The following COL22A1 variants were observed in gnomAD, a reference collection of about 807,000 sequenced individuals.
COL22A1 encodes collagen alpha-1(XXII) chain.
In COL22A1, 221 loss-of-function variants were observed where a neutral mutation model predicts 248.9. That is an observed-to-expected ratio of 0.89 (90% CI 0.80 to 0.99). COL22A1 has a LOEUF of 0.99. Among genes scored for constraint, COL22A1 ranks in the 50% least tolerant of loss-of-function variants. The pLI, the probability that COL22A1 is intolerant of heterozygous loss-of-function variation, is 0.00. For synonymous variants in COL22A1, 891 were observed against 793.4 expected (o/e 1.12, Z -2.07); for missense variants, 2,240 against 2,179.0 (o/e 1.03, Z -0.56).
At chr8:138,720,129 G>T (rs1829757645) in intron 27 of COL22A1, among the ~76,000 whole-genome samples, 1 of 152,072 alleles carries the variant, frequency 6.6e-6, no homozygotes, top group Non-Finnish European at 1.5e-5. Context: ...ACTCACAGGG[G>T]CTGCCCTGTC....
At chr8:138,694,343 GT>G (rs1016910945) in intron 34 of COL22A1, among the ~76,000 whole-genome samples, 164 bp downstream of exon 34, 10 of 152,184 alleles carry the variant, frequency 6.6e-5, no homozygotes, top group African/African-American at 2.2e-4. Context: ...TGTCTGGGGC[GT>G]TTAGTGAGGG....
At position 138,595,025 on chromosome 8, in the gene COL22A1, C is replaced by T. The variant is rs183128808; in HGVS notation, c.4433-826G>A. Reference sequence around the variant, plus strand: ...ATGCACATCTGGTGGCCACCAAGGGCAGTCTTTGTTAGCCATGCAGTCATA... The same window carrying T: ...ATGCACATCTGGTGGCCACCAAGGGTAGTCTTTGTTAGCCATGCAGTCATA... On this transcript the variant is annotated intron_variant, in intron 62 of 64. Transcript: ENST00000303045. Among the ~76,000 whole-genome samples, 9 of 152,252 alleles carry T rather than the reference C, an allele frequency of 5.9e-5. No homozygotes were observed. The East Asian group carries it at 1.5e-3, about 26-fold the overall frequency.
At chr8:138,825,515 C>G (rs1054289557) in intron 6 of COL22A1, among the ~76,000 whole-genome samples, 1 of 152,174 alleles carries the variant, frequency 6.6e-6, no homozygotes, top group Non-Finnish European at 1.5e-5. Context: ...AGAAAATATT[C>G]ACAGAGTTAT....
At chr8:138,769,261 A>G (rs993534693) in intron 16 of COL22A1, among the ~76,000 whole-genome samples, 2 of 152,214 alleles carry the variant, frequency 1.3e-5, no homozygotes, top group Non-Finnish European at 2.9e-5. Context: ...CGTGAACTCA[A>G]CAGTTCAACA....
chr8:138,621,740 C>T (rs981423702), intron 52 of COL22A1, among the ~76,000 whole-genome samples: 2 of 152,176 alleles, frequency 1.3e-5, no homozygotes, highest in African/African-American at 4.8e-5. Flanking sequence ...CCATAAGGTT[C>T]TTCTGGGGAC....
intron 50 of COL22A1, among the ~76,000 whole-genome samples, chr8:138,630,308 C>T (rs1237780443): frequency 6.6e-6 from 1 of 152,154 alleles, no homozygotes; most frequent in Non-Finnish European, 1.5e-5. Flanking sequence ...CTGACATTCC[C>T]CTGGTGCACA....
At chr8:138,608,268 A>G (rs192989375) in intron 56 of COL22A1, among the ~76,000 whole-genome samples, 189 of 152,340 alleles carry the variant, frequency 1.2e-3, no homozygotes, top group African/African-American at 4.0e-3. Context: ...GGCATAGTAA[A>G]TAATTATGAC....
In COL22A1 at chr8:138,748,726, G is replaced by A. The variant is rs372965820; in HGVS notation, c.2085+2732C>T. ...CCAATTTCCAAGGCCTGTGGGTTGT[G>A]TTAAGCTCAGATCAGGCCAAGCACC... On this transcript the variant is annotated intron_variant, in intron 22 of 64. Coordinates refer to ENST00000303045, the MANE Select transcript of COL22A1 (RefSeq NM_152888.3). 2.6e-5 allele frequency among the ~76,000 whole-genome samples: 4 copies of A among 152,228 alleles called. No homozygotes were observed. The East Asian group carries it at 7.7e-4, about 29-fold the overall frequency.
intron 1 of COL22A1, among the ~76,000 whole-genome samples, chr8:138,887,230 T>C (rs2132091754): frequency 7.7e-6 from 1 of 130,414 alleles, no homozygotes; most frequent in South Asian, 2.4e-4. Context: ...TCTCTCATTG[T>C]TTTTTTTTTT....
At chr8:138,745,483 T>C (rs1832031866) in intron 22 of COL22A1, among the ~76,000 whole-genome samples, 1 of 152,220 alleles carries the variant, frequency 6.6e-6, no homozygotes, top group African/African-American at 2.4e-5. Context: ...CATATTCCTA[T>C]TGTATTTATA....
In COL22A1 at chr8:138,716,381, G is replaced by A. The variant is rs1829433374; in HGVS notation, c.2401-92C>T. 3 of 835,018 alleles carry A rather than the reference G, an allele frequency of 3.6e-6. No individual in the cohort carries two copies. The East Asian group carries it at 8.0e-5, about 22-fold the overall frequency. 51.7% of individuals were successfully genotyped at this position (835,018 alleles called of 1,614,324 possible). A position where few individuals can be genotyped will look rare whatever the true frequency, so the allele number is the denominator to read the frequency against. On this transcript the variant is annotated intron_variant, in intron 28 of 64. Transcript: ENST00000303045. ...TGTGCTCTCAGTTCCTGCTCTCCAG[G>A]AACTGGAGATGTTCTGGCTTAGTGG...
At chr8:138,633,240 G>A (rs1164731396) in intron 49 of COL22A1, among the ~76,000 whole-genome samples, 1 of 152,210 alleles carries the variant, frequency 6.6e-6, no homozygotes, top group Non-Finnish European at 1.5e-5. Flanking sequence ...GCTATTAACA[G>A]TACAAAGCAC....
chr8:138,829,143 G>T (rs1819825941), intron 5 of COL22A1, among the ~76,000 whole-genome samples: 1 of 152,178 alleles, frequency 6.6e-6, no homozygotes, highest in African/African-American at 2.4e-5. Context: ...TCCAGGCTGG[G>T]AGATGACAGC....
At position 138,690,901 on chromosome 8, in the gene COL22A1, G is replaced by A. The variant is rs779012638; in HGVS notation, c.2755-27C>T. On this transcript the variant is annotated intron_variant, in intron 35 of 64. Transcript: ENST00000303045. Reference sequence around the variant, plus strand: ...TGTTCAGAGACAGAAGTTTAGAAAGGCCAAACGCATTGATTAGAAGTAGTT... The same window carrying A: ...TGTTCAGAGACAGAAGTTTAGAAAGACCAAACGCATTGATTAGAAGTAGTT... 11 of 1,591,724 alleles carry A rather than the reference G, an allele frequency of 6.9e-6. No homozygotes were observed. In the African/African-American group the frequency reaches 1.5e-4, roughly 21 times the overall value.
chr8:138,752,412 C>T (rs901866365), intron 21 of COL22A1, among the ~76,000 whole-genome samples: 2 of 152,228 alleles, frequency 1.3e-5, no homozygotes, highest in Non-Finnish European at 2.9e-5. Flanking sequence ...CGTGACCAAG[C>T]TGCATTTACA....
At chr8:138,747,709 C>T (rs1417845643) in intron 22 of COL22A1, among the ~76,000 whole-genome samples, 1 of 152,210 alleles carries the variant, frequency 6.6e-6, no homozygotes, top group Non-Finnish European at 1.5e-5. Context: ...GCAGGAGCTT[C>T]CTTCTTCCTG....
At chr8:138,589,489 G>A in intron 64 of COL22A1, 49 bp from the exon 65 acceptor site, 1 of 1,395,466 alleles carries the variant, frequency 7.2e-7, no homozygotes, top group Non-Finnish European at 9.5e-7. Context: ...ATCCTTCTGG[G>A]AGGGGATGGG....
chr8:138,882,137 C>T (rs185029384), intron 2 of COL22A1, among the ~76,000 whole-genome samples: 2 of 152,040 alleles, frequency 1.3e-5, no homozygotes, highest in Non-Finnish European at 2.9e-5. Flanking sequence ...GCCTCCTCCC[C>T]GAGCTCCAAA....
intron 3 of COL22A1, among the ~76,000 whole-genome samples, chr8:138,868,373 C>T (rs1353785179): frequency 6.6e-6 from 1 of 152,110 alleles, no homozygotes; most frequent in Admixed American, 6.5e-5. Flanking sequence ...GCCTTAGGCC[C>T]TCCAAAGTGC....
Sources: gnomAD v4.1 joint callset for allele counts (sites outside exome capture counted in the v4.1 genomes callset) on GRCh38, gnomAD v4.1.1 for gene constraint, MANE v1.5 for transcripts, NCBI Gene and HGNC (gene_info 2026-07-23, HGNC 2026-07-21) for gene names.